CYP2W1: variants seen among roughly 807,000 people sequenced by gnomAD.
CYP2W1 encodes cytochrome P450 family 2 subfamily W member 1.
CYP2W1 carries 51 observed loss-of-function variants against 44.9 expected under a neutral mutation model. That is an observed-to-expected ratio of 1.14 (90% confidence interval 0.91 to 1.43). The LOEUF (loss-of-function observed/expected upper bound fraction) is 1.43, where lower values mean the gene tolerates loss of function less well. Ranked by LOEUF, CYP2W1 falls within the 40% of genes most tolerant of loss-of-function variation. The probability of loss-of-function intolerance (pLI) is 0.00; values close to 1 mark genes in which losing one functional copy is unlikely to be tolerated. For missense variants in CYP2W1, 746 were observed against 700.0 expected (o/e 1.07, Z -0.74); for synonymous variants, 383 against 338.3 (o/e 1.13, Z -1.45).
In CYP2W1 at chr7:987,548, C is replaced by T; in HGVS notation, c.1143+17C>T. 6.7e-7 allele frequency: 1 copy of T among 1,503,612 alleles called. No individual in the cohort carries two copies. Among genetic ancestry groups the T allele is most frequent in the Non-Finnish European group, 8.9e-7 (1 of 1,124,800 alleles). The allele number at this position is 1,503,612 out of a possible 1,614,324, so 93.1% of individuals were successfully genotyped here. ...CTCCCCAAGGTGGGGCTGGGCCTCC[C>T]TTGCCCCTTCCATCTCCTCTGGGGT... On this transcript the variant is annotated intron_variant, in intron 7 of 8. Transcript: ENST00000308919.
At chr7:984,649 G>A in intron 2 of CYP2W1, 75 bp downstream of exon 2, 1 of 1,497,814 alleles carries the variant, frequency 6.7e-7, no homozygotes, top group South Asian at 1.3e-5. Flanking sequence ...GGGGGCTCCA[G>A]CAGCGGGAGA....
chr7:984,074 G>A (rs1848132864), intron 1 of CYP2W1, among the ~76,000 whole-genome samples: 1 of 152,226 alleles, frequency 6.6e-6, no homozygotes, highest in Non-Finnish European at 1.5e-5. Context: ...ACTCTGTGCA[G>A]ACTCTGGCCT....
At chr7:985,861 C>T (rs929124622) in intron 4 of CYP2W1, among the ~76,000 whole-genome samples, 2 of 152,226 alleles carry the variant, frequency 1.3e-5, no homozygotes, top group African/African-American at 2.4e-5. Flanking sequence ...CCAGAGACCA[C>T]GGGTCCTAGT....
At chr7:985,472 AC>A in intron 4 of CYP2W1, 149 bp downstream of exon 4, 1 of 933,446 alleles carries the variant, frequency 1.1e-6, no homozygotes, top group Non-Finnish European at 1.6e-6. Flanking sequence ...CTGAATCAGG[AC>A]CCATCCGACG....
chr7:989,171 C>A lies in CYP2W1; in HGVS notation c.*349C>A. The A allele has an allele frequency of 3.2e-6, 1 of 311,104 alleles. No homozygotes were observed. Among genetic ancestry groups the A allele is most frequent in the Non-Finnish European group, 6.0e-6 (1 of 168,006 alleles). The allele number at this position is 311,104 out of a possible 1,614,324, so 19.3% of individuals were successfully genotyped here. A position where few individuals can be genotyped will look rare whatever the true frequency, so the allele number is the denominator to read the frequency against. On this transcript the variant is annotated 3_prime_UTR_variant, in exon 9 of 9. Coordinates refer to ENST00000308919, the MANE Select transcript of CYP2W1 (RefSeq NM_017781.3). ...ACCTACAGCTGGGGCTGCAGGGAGA[C>A]AACGGGTGGCTGCATCCAGCCAGAG...
In CYP2W1 at chr7:987,386, G is replaced by A; in HGVS notation, c.998G>A (p.Gly333Glu). 6.3e-7 allele frequency: 1 copy of A among 1,595,040 alleles called. No homozygotes were observed. The highest frequency in any genetic ancestry group is 8.5e-7 in the Non-Finnish European group (1 of 1,177,722). ...GAGCTAGACCGCGTGCTGGGCCCTG[G>A]GCGGACTCCCCGGCTGGAGGACCAG... ...QEELDRVLGP[G>E]RTPRLEDQQA... Residue 333 changes from glycine to glutamate, a missense_variant, in exon 7 of 9, where the codon GGG becomes GAG. Transcript: ENST00000308919.
At chr7:984,661 G>C in intron 2 of CYP2W1, 87 bp downstream of exon 2, 1 of 1,484,530 alleles carries the variant, frequency 6.7e-7, no homozygotes, top group Non-Finnish European at 8.9e-7. Context: ...AGCGGGAGAG[G>C]CTCCCAGGGT....
In CYP2W1 at chr7:988,417, A is replaced by T; in HGVS notation, c.1284A>T (p.Ala428=). 5.6e-6 allele frequency: 9 copies of T among 1,612,472 alleles called. No homozygotes were observed. The highest frequency in any genetic ancestry group is 7.6e-6 in the Non-Finnish European group (9 of 1,179,812). The change falls in exon 8 of 9, where the codon GCA becomes GCT. Residue 428 remains alanine, a splice_region_variant and synonymous_variant. Coordinates refer to ENST00000308919, the MANE Select transcript of CYP2W1 (RefSeq NM_017781.3). The part of the protein sequence containing the change: ...VKREAFLPFS[A]GRRVCVGERL... Reference sequence around the variant, plus strand: ...GGGAGGCCTTCCTGCCTTTCTCTGCAGGTCAGCAGCCCTCGGGGCCGGGGT... The same window carrying T: ...GGGAGGCCTTCCTGCCTTTCTCTGCTGGTCAGCAGCCCTCGGGGCCGGGGT...
intron 1 of CYP2W1, among the ~76,000 whole-genome samples, chr7:984,045 C>CTCAGAACCAGCAAG (rs1848129752): frequency 6.6e-6 from 1 of 152,224 alleles, no homozygotes; most frequent in African/African-American, 2.4e-5. Context: ...TCTCTGGGGG[C>CTCAGAACCAGCAAG]CGAGCCTGTC....
rs1254586075 is a variant in CYP2W1, at chr7:984,896, C to T, written c.338-54C>T. The T allele has an allele frequency of 1.6e-5, 24 of 1,529,418 alleles. No individual in the cohort carries two copies. The East Asian group carries it at 2.5e-4, about 16-fold the overall frequency. 94.7% of individuals were successfully genotyped at this position (1,529,418 alleles called of 1,614,324 possible). On this transcript the variant is annotated intron_variant, in intron 2 of 8. Transcript: ENST00000308919. The stretch of plus-strand genomic sequence containing the variant: ...GCTCACTTCCTGCCCACTTGCCTGG[C>T]GGGGCTGGCTGGGGTGGGAACCTGG...
intron 7 of CYP2W1, 85 bp from the exon 8 acceptor site, chr7:988,192 T>G (rs543239588): frequency 6.9e-7 from 1 of 1,440,596 alleles, no homozygotes; most frequent in Non-Finnish European, 9.3e-7. Flanking sequence ...TGGCAGGAGC[T>G]ACATCCTGGA....
chr7:988,834 GC>G lies in CYP2W1; in HGVS notation c.*17del. The stretch of plus-strand genomic sequence containing the variant: ...TGCCCAGGCCCTAGGAGCTCCCCCA[GC>G]CCCCAGGTCCTCCTGACCACTCCCC... On this transcript the variant is annotated 3_prime_UTR_variant, in exon 9 of 9. Coordinates refer to ENST00000308919, the MANE Select transcript of CYP2W1 (RefSeq NM_017781.3). 2 of 1,501,838 alleles carry G rather than the reference GC, an allele frequency of 1.3e-6. No individual in the cohort carries two copies. Among genetic ancestry groups the G allele is most frequent in the Non-Finnish European group, 1.8e-6 (2 of 1,117,526 alleles). 93.0% of individuals were successfully genotyped at this position (1,501,838 alleles called of 1,614,324 possible).
At chr7:984,753 T>C (rs1848195442) in intron 2 of CYP2W1, among the ~76,000 whole-genome samples, 179 bp downstream of exon 2, 2 of 152,114 alleles carry the variant, frequency 1.3e-5, no homozygotes, top group Admixed American at 6.5e-5. Context: ...GGTCAGGTGC[T>C]CAGAACCAGC....
In CYP2W1 at chr7:984,933, A is replaced by G. The variant is rs1357161355; in HGVS notation, c.338-17A>G. On this transcript the variant is annotated splice_polypyrimidine_tract_variant and intron_variant, in intron 2 of 8. Coordinates refer to ENST00000308919, the MANE Select transcript of CYP2W1 (RefSeq NM_017781.3). The stretch of plus-strand genomic sequence containing the variant: ...GGGTGGGAACCTGGGCTCACCACGC[A>G]CTGTATCTGCCTACAGGCATCTTCT... 6 of 1,580,246 alleles carry G rather than the reference A, an allele frequency of 3.8e-6. No individual in the cohort carries two copies. The highest frequency in any genetic ancestry group is 1.3e-5 in the African/African-American group (1 of 74,354).
chr7:986,152 G>A (rs3735681), intron 4 of CYP2W1, among the ~76,000 whole-genome samples: 24,029 of 152,190 alleles, frequency 0.16, 2,065 homozygotes, highest in Admixed American at 0.23. Context: ...ACTGGCGATC[G>A]CGGACGCCCC....
chr7:985,273 C>A lies in CYP2W1; in HGVS notation c.595C>A (p.Leu199Met). The stretch of plus-strand genomic sequence containing the variant: ...CCGGGACCCCGTGTTTGTGTCCCTG[C>A]TGGGTCTCATCGATGAGGTCATGGT... ...DYRDPVFVSL[L>M]GLIDEVMVLL... The change falls in exon 4 of 9, where the codon CTG becomes ATG. Residue 199 changes from leucine (L) to methionine (M), a missense_variant. Transcript: ENST00000308919. 1.9e-6 allele frequency: 3 copies of A among 1,551,872 alleles called. No individual in the cohort carries two copies. Among genetic ancestry groups the A allele is most frequent in the Middle Eastern group, 1.7e-4 (1 of 5,992 alleles).
At position 988,432 on chromosome 7, in the gene CYP2W1, G is replaced by C. The variant is rs774006203; in HGVS notation, c.1285+14G>C. The C allele has an allele frequency of 1.2e-6, 2 of 1,612,164 alleles. No homozygotes were observed. Among genetic ancestry groups the C allele is most frequent in the South Asian group, 1.1e-5 (1 of 90,970 alleles). On this transcript the variant is annotated intron_variant, in intron 8 of 8. Coordinates refer to ENST00000308919, the MANE Select transcript of CYP2W1 (RefSeq NM_017781.3). ...CTTTCTCTGCAGGTCAGCAGCCCTC[G>C]GGGCCGGGGTGGGGCGGCACCTCCA...
At position 984,957 on chromosome 7, in the gene CYP2W1, C is replaced by A; in HGVS notation, c.345C>A (p.Phe115Leu). 1 of 1,599,344 alleles carries A rather than the reference C, an allele frequency of 6.3e-7. No homozygotes were observed. Among genetic ancestry groups the A allele is most frequent in the South Asian group, 1.1e-5 (1 of 90,652 alleles). Reference protein sequence around the residue: ...FQLIQRGGGIFFSSGARWRAA... With the variant: ...FQLIQRGGGILFSSGARWRAA... ...CACTGTATCTGCCTACAGGCATCTTCTTCTCATCTGGGGCGCGCTGGAGGG... is the reference window on the plus strand; with the variant it reads ...CACTGTATCTGCCTACAGGCATCTTATTCTCATCTGGGGCGCGCTGGAGGG... The change falls in exon 3 of 9, where the codon TTC becomes TTA. Residue 115 changes from phenylalanine to leucine, a missense_variant. Coordinates refer to ENST00000308919, the MANE Select transcript of CYP2W1 (RefSeq NM_017781.3).
intron 7 of CYP2W1, among the ~76,000 whole-genome samples, chr7:987,927 G>A (rs1342592068): frequency 7.3e-6 from 1 of 136,964 alleles, no homozygotes; most frequent in Non-Finnish European, 1.5e-5. Context: ...GATCCCCTGT[G>A]TGTCCTGGGG....
Sources: gnomAD v4.1 joint callset for allele counts (sites outside exome capture counted in the v4.1 genomes callset) on GRCh38, gnomAD v4.1.1 for gene constraint, MANE v1.5 for transcripts, NCBI Gene and HGNC (gene_info 2026-07-23, HGNC 2026-07-21) for gene names.